STRA8: variants seen among roughly 807,000 people sequenced by gnomAD.
STRA8 encodes the protein stimulated by retinoic acid 8.
A neutral mutation model predicts 37.1 loss-of-function variants in STRA8; 18 were observed. The ratio of observed to expected loss-of-function variants is 0.48; its 90% CI spans 0.34 to 0.72. The LOEUF is 0.72. Among genes scored for constraint, STRA8 ranks in the 30% least tolerant of loss-of-function variants. The pLI, the probability that STRA8 is intolerant of heterozygous loss-of-function variation, is 0.01. For synonymous variants in STRA8, 168 were observed against 162.9 expected, an observed-to-expected ratio of 1.03 and a Z score of -0.24; for missense variants, 357 against 410.4, an observed-to-expected ratio of 0.87 and a Z score of 1.13.
At chr7:135,251,548 A>G (rs1452665209) in intron 6 of STRA8, among the ~76,000 whole-genome samples, 2 of 151,908 alleles carry the variant, frequency 1.3e-5, no homozygotes, top group Non-Finnish European at 1.5e-5. Context: ...CACAATCCCC[A>G]TTTCTTCCTG....
At chr7:135,247,723 A>C (rs895213861) in intron 6 of STRA8, among the ~76,000 whole-genome samples, 1 of 152,278 alleles carries the variant, frequency 6.6e-6, no homozygotes, top group East Asian at 1.9e-4. Context: ...GGTTACCACA[A>C]CTGCTACCGT....
intron 6 of STRA8, among the ~76,000 whole-genome samples, chr7:135,247,906 C>A (rs964482282): frequency 7.2e-5 from 11 of 152,254 alleles, no homozygotes; most frequent in Non-Finnish European, 1.6e-4. Flanking sequence ...ACGGCCCACG[C>A]TCGCTCCTCT....
At chr7:135,233,142 G>A (rs1832317823), upstream of STRA8, among the ~76,000 whole-genome samples, 1 of 152,134 alleles carries the variant, frequency 6.6e-6, no homozygotes, top group Admixed American at 6.5e-5. Context: ...CTATATTTGG[G>A]AAGGAAAAAT....
chr7:135,246,657 G>A lies in STRA8; in HGVS notation c.834G>A (p.Val278=), dbSNP rs575191998. The change falls in exon 6 of 9, where the codon GTG becomes GTA. Residue 278 remains valine, a synonymous_variant. Coordinates refer to ENST00000662584, the MANE Select transcript of STRA8 (RefSeq NM_001394401.1). This position sits in a 1 kb window ranked among gnomAD's most constrained non-coding sequence, Gnocchi z 5.4. ...AGGGCAGCGTGAAGGACAGCGGCGT[G>A]GACAGCCAGGGGGCCAGCTGCTCGC... is the stretch of plus-strand genomic sequence containing the variant. ...CAEGSVKDSG[V]DSQGASCSLV... 1.1e-4 allele frequency: 170 copies of A among 1,534,004 alleles called. 1 individual carries two copies. Among genetic ancestry groups the A allele is most frequent in the Middle Eastern group, 4.3e-4 (2 of 4,610 alleles).
chr7:135,239,630 G>A (rs1411628428), intron 1 of STRA8, among the ~76,000 whole-genome samples: 1 of 151,388 alleles, frequency 6.6e-6, no homozygotes, highest in East Asian at 1.9e-4. Context: ...AGTGGGGTGA[G>A]GCCTGATGGA....
upstream of STRA8, chr7:135,232,150 G>A (rs928821186): frequency 4.0e-5 from 41 of 1,037,588 alleles, no homozygotes; most frequent in African/African-American, 6.1e-4. Context: ...TACATGAAAG[G>A]TTGAGGCAGG....
In STRA8 at chr7:135,251,544, C is replaced by T. The variant is rs141128566; in HGVS notation, c.880-252C>T. 3.0e-3 allele frequency among the ~76,000 whole-genome samples: 459 copies of T among 152,270 alleles called. 1 individual carries two copies. The highest frequency in any genetic ancestry group is 0.01 in the African/African-American group (430 of 41,548). On this transcript the variant is annotated intron_variant, in intron 6 of 8. Transcript: ENST00000662584. Reference sequence around the variant, plus strand: ...CTTCGTCGGCAAGAGGAATCACAATCCCCATTTCTTCCTGTCCCTCACAGC... The same window carrying T: ...CTTCGTCGGCAAGAGGAATCACAATTCCCATTTCTTCCTGTCCCTCACAGC...
At chr7:135,255,915 TTCA>T (rs1286668188) in intron 8 of STRA8, among the ~76,000 whole-genome samples, 2 of 152,236 alleles carry the variant, frequency 1.3e-5, no homozygotes, top group African/African-American at 2.4e-5. Context: ...GCTGGGCTAT[TTCA>T]TCATCTTCTA....
At chr7:135,238,380 G>A (rs1216299758) in intron 1 of STRA8, among the ~76,000 whole-genome samples, 2 of 152,198 alleles carry the variant, frequency 1.3e-5, no homozygotes, top group African/African-American at 4.8e-5. Flanking sequence ...CCCTATGGGG[G>A]AGGCAGAGGA....
chr7:135,238,081 T>C (rs1057351598), intron 1 of STRA8, among the ~76,000 whole-genome samples: 4 of 152,122 alleles, frequency 2.6e-5, no homozygotes, highest in African/African-American at 7.2e-5. Context: ...AGGGAAGACA[T>C]TGAAAATCGC....
chr7:135,246,588 C>A lies in STRA8; in HGVS notation c.765C>A (p.Gly255=). Residue 255 remains glycine, a synonymous_variant, in exon 6 of 9, where the codon GGC becomes GGA. Coordinates refer to ENST00000662584, the MANE Select transcript of STRA8 (RefSeq NM_001394401.1). This position sits in a 1 kb window ranked among gnomAD's most constrained non-coding sequence, Gnocchi z 5.4. ...AGGCCTGGGCGCAGAAGCACCGCGG[C>A]CCTGCGACCCTGGCGGAGGCCTGCC... ...LRQAWAQKHR[G]PATLAEACRE... The A allele has an allele frequency of 6.5e-7, 1 of 1,541,438 alleles. No individual in the cohort carries two copies. The highest frequency in any genetic ancestry group is 2.0e-5 in the Admixed American group (1 of 50,972).
At chr7:135,242,746 G>A (rs1391356865) in intron 2 of STRA8, 35 bp from the exon 3 acceptor site, 2 of 1,610,514 alleles carry the variant, frequency 1.2e-6, no homozygotes, top group South Asian at 2.2e-5. Flanking sequence ...TGCAGTGAGA[G>A]GCTGGCTTTC....
At position 135,258,581 on chromosome 7, in the gene STRA8, G is replaced by A. The variant is rs1266739689; in HGVS notation, c.*89G>A. 2 of 1,070,610 alleles carry A rather than the reference G, an allele frequency of 1.9e-6. No homozygotes were observed. The highest frequency in any genetic ancestry group is 1.6e-5 in the African/African-American group (1 of 63,326). 66.3% of individuals were successfully genotyped at this position (1,070,610 alleles called of 1,614,324 possible). On this transcript the variant is annotated 3_prime_UTR_variant, in exon 9 of 9. Transcript: ENST00000662584. ...GGCAGCTAAGGTTGCACCTGCCTTG[G>A]CCTCCAGGACTCTTTGGAGTGGGTT...
At chr7:135,248,274 C>G (rs949113374) in intron 6 of STRA8, among the ~76,000 whole-genome samples, 2 of 152,232 alleles carry the variant, frequency 1.3e-5, no homozygotes, top group Non-Finnish European at 2.9e-5. Context: ...ACTCCCAGCT[C>G]CTGCTTCAGT....
intron 1 of STRA8, among the ~76,000 whole-genome samples, chr7:135,235,640 C>T (rs921832693): frequency 1.4e-4 from 21 of 152,154 alleles, no homozygotes; most frequent in African/African-American, 4.8e-4. Context: ...CGGGGTTTCA[C>T]CATGTTGGCC....
At chr7:135,236,725 T>C (rs948815341) in intron 1 of STRA8, among the ~76,000 whole-genome samples, 1 of 152,206 alleles carries the variant, frequency 6.6e-6, no homozygotes, top group African/African-American at 2.4e-5. Context: ...TAAGATGTTA[T>C]TTCCCCTCCA....
chr7:135,232,615 A>G (rs1409063858), upstream of STRA8, among the ~76,000 whole-genome samples: 1 of 151,852 alleles, frequency 6.6e-6, no homozygotes, highest in Non-Finnish European at 1.5e-5. Context: ...CAGAACGAGA[A>G]CCTGTCTCAG....
chr7:135,243,357 C>T lies in STRA8; in HGVS notation c.300C>T (p.Ser100=). The T allele has an allele frequency of 6.2e-7, 1 of 1,614,156 alleles. No homozygotes were observed. The highest frequency in any genetic ancestry group is 1.7e-5 in the Admixed American group (1 of 60,028). ...TCAACCTGGAAGATGGGCATGCAAG[C>T]AGCTTAGAGGAGGTCAAGAAAGAAT... ...ASFNLEDGHA[S]SLEEVKKEYA... is the part of the protein sequence containing the mutation. Residue 100 remains serine (S), a synonymous_variant, in exon 4 of 9, where the codon AGC becomes AGT. Transcript: ENST00000662584.
At chr7:135,240,787 G>A in intron 2 of STRA8, 71 bp downstream of exon 2, 1 of 1,557,540 alleles carries the variant, frequency 6.4e-7, no homozygotes, top group Non-Finnish European at 8.8e-7. Flanking sequence ...TGGAGGGACT[G>A]TGTTGCAAGG....
Sources: allele counts gnomAD v4.1 joint callset (sites outside exome capture counted in the v4.1 genomes callset), GRCh38; gene constraint gnomAD v4.1.1; non-coding constraint Gnocchi (gnomAD v3.1); transcripts MANE v1.5; gene names NCBI Gene and HGNC (gene_info 2026-07-23, HGNC 2026-07-21).